The following CAMK2D variants were observed in gnomAD, a reference collection of about 807,000 sequenced individuals.
CAMK2D encodes calcium/calmodulin-dependent protein kinase type II subunit delta.
Under a neutral mutation model 84.0 loss-of-function variants are expected in CAMK2D, and 37 were observed. The ratio of observed to expected loss-of-function variants is 0.44; its 90% CI spans 0.34 to 0.58. The LOEUF is 0.58. CAMK2D is among the 20% of genes least tolerant of loss of function. The pLI is 0.02. For synonymous variants in CAMK2D, 202 were observed against 212.5 expected (o/e 0.95, Z 0.43); for missense variants, 448 against 652.5 (o/e 0.69, Z 3.41).
chr4:113,608,230 T>C (rs1332038833), intron 4 of CAMK2D, among the ~76,000 whole-genome samples: 1 of 152,210 alleles, frequency 6.6e-6, no homozygotes, highest in Non-Finnish European at 1.5e-5. Flanking sequence ...GGTTTCTTAA[T>C]GATATCATTG....
At chr4:113,520,345 T>C (rs1465478619) in intron 8 of CAMK2D, among the ~76,000 whole-genome samples, 1 of 151,808 alleles carries the variant, frequency 6.6e-6, no homozygotes, top group Non-Finnish European at 1.5e-5. Flanking sequence ...GAGGTGGAGG[T>C]TGCAGTGAGC....
intron 4 of CAMK2D, among the ~76,000 whole-genome samples, chr4:113,561,702 A>T (rs1035032989): frequency 6.6e-6 from 1 of 152,186 alleles, no homozygotes; most frequent in African/African-American, 2.4e-5. Flanking sequence ...ATGCTTTCTG[A>T]AGGGATGTCT....
intron 17 of CAMK2D, among the ~76,000 whole-genome samples, chr4:113,462,698 C>G (rs1297442331): frequency 1.3e-5 from 2 of 151,972 alleles, no homozygotes; most frequent in Non-Finnish European, 2.9e-5. Context: ...TACAATTGCT[C>G]CCTATATAAC....
At chr4:113,669,554 AACT>A (rs1249049180) in intron 2 of CAMK2D, among the ~76,000 whole-genome samples, 1 of 151,684 alleles carries the variant, frequency 6.6e-6, no homozygotes, top group East Asian at 2.0e-4. Context: ...ATGGGCAGGA[AACT>A]CTGATTATAC....
chr4:113,474,606 A>G (rs746140484), intron 16 of CAMK2D, among the ~76,000 whole-genome samples: 1 of 149,504 alleles, frequency 6.7e-6, no homozygotes, highest in Non-Finnish European at 1.5e-5. Context: ...ATTAGTCAAA[A>G]CGGAGCATAT....
chr4:113,465,682 T>C, intron 16 of CAMK2D, 78 bp from the exon 17 acceptor site: 1 of 889,832 alleles, frequency 1.1e-6, no homozygotes, highest in South Asian at 1.4e-5. Flanking sequence ...TTTTAATTTT[T>C]GAGATAGGGT....
In CAMK2D at chr4:113,551,118, C is replaced by G. The variant is rs562719449; in HGVS notation, c.341+913G>C. On this transcript the variant is annotated intron_variant, in intron 5 of 20. Coordinates refer to ENST00000511664, the MANE Select transcript of CAMK2D (RefSeq NM_001321571.2). ...TCTCATTTACATTGCTAATAATGAG[C>G]CAATCACTCTTGATCAGATTTTTAA... Among the ~76,000 whole-genome samples, 3 of 152,126 alleles carry G rather than the reference C, an allele frequency of 2.0e-5. No individual in the cohort carries two copies. In the East Asian group the frequency reaches 5.8e-4, roughly 29 times the overall value.
chr4:113,677,383 G>A (rs1295781934), intron 2 of CAMK2D: 3 of 154,540 alleles, frequency 1.9e-5, no homozygotes, highest in Non-Finnish European at 4.3e-5. Flanking sequence ...CTAAGACAGT[G>A]TATGATCTAC....
intron 16 of CAMK2D, among the ~76,000 whole-genome samples, chr4:113,487,569 A>C (rs1328370642): frequency 6.6e-6 from 1 of 152,092 alleles, no homozygotes; most frequent in African/African-American, 2.4e-5. Context: ...TTAGATATTA[A>C]AGAAATTTTG....
chr4:113,659,337 G>A (rs975871321), intron 3 of CAMK2D, among the ~76,000 whole-genome samples: 11 of 152,322 alleles, frequency 7.2e-5, no homozygotes, highest in South Asian at 4.1e-4. Context: ...GGTTCATTGC[G>A]TAATTTCTCT....
At chr4:113,571,054 T>C (rs897811380) in intron 4 of CAMK2D, among the ~76,000 whole-genome samples, 7 of 152,288 alleles carry the variant, frequency 4.6e-5, no homozygotes, top group African/African-American at 1.7e-4. Context: ...ATGTTCAACA[T>C]AACTAATCAT....
chr4:113,490,217 C>T (rs2097817616), intron 16 of CAMK2D, among the ~76,000 whole-genome samples: 5 of 148,012 alleles, frequency 3.4e-5, no homozygotes, highest in Admixed American at 2.7e-4. Context: ...AGTCCTTGCC[C>T]ATGCTTATGT....
At chr4:113,471,689 C>T (rs903550297) in intron 16 of CAMK2D, among the ~76,000 whole-genome samples, 3 of 152,116 alleles carry the variant, frequency 2.0e-5, no homozygotes, top group South Asian at 2.1e-4. Context: ...TTCAGGCTCT[C>T]GGAAGTTCCT....
intron 3 of CAMK2D, among the ~76,000 whole-genome samples, chr4:113,610,333 C>CTTT (rs897316273): frequency 1.3e-5 from 2 of 152,160 alleles, no homozygotes; most frequent in African/African-American, 4.8e-5. Context: ...GACACAACTG[C>CTTT]TTTTACAAAA....
intron 2 of CAMK2D, chr4:113,754,739 T>C: frequency 1.0e-6 from 1 of 981,566 alleles, no homozygotes; most frequent in South Asian, 4.7e-5. Flanking sequence ...AATGCTTTCA[T>C]TCAATGAAAG....
intron 13 of CAMK2D, among the ~76,000 whole-genome samples, chr4:113,506,073 G>T (rs1222372867): frequency 6.6e-6 from 1 of 151,908 alleles, no homozygotes. Context: ...ATACCTCCAT[G>T]ATTTTAATAT....
chr4:113,489,680 T>C (rs1250606957), intron 16 of CAMK2D, among the ~76,000 whole-genome samples: 2 of 149,728 alleles, frequency 1.3e-5, no homozygotes, highest in Non-Finnish European at 3.0e-5. Flanking sequence ...CTGGGTCAAA[T>C]GGTATTTCCA....
Position 113,552,113 on chromosome 4 carries a change from C to A in CAMK2D, c.276-17G>T. The A allele has an allele frequency of 6.8e-7, 1 of 1,462,370 alleles. No homozygotes were observed. Among genetic ancestry groups the A allele is most frequent in the South Asian group, 1.2e-5 (1 of 84,002 alleles). The allele number at this position is 1,462,370 out of a possible 1,614,324, so 90.6% of individuals were successfully genotyped here. A position where few individuals can be genotyped will look rare whatever the true frequency, so the allele number is the denominator to read the frequency against. ...CCAGTAACTCTGGGAAGATAAAAAA[C>A]ATAATCACTTTTAAAAAGAAGCAAA... is the stretch of plus-strand genomic sequence containing the variant. On this transcript the variant is annotated splice_polypyrimidine_tract_variant and intron_variant, in intron 4 of 20. Transcript: ENST00000511664.
intron 2 of CAMK2D, among the ~76,000 whole-genome samples, chr4:113,714,940 T>C (rs914270633): frequency 1.3e-5 from 2 of 152,142 alleles, no homozygotes; most frequent in African/African-American, 4.8e-5. Context: ...ATTTTGCAAC[T>C]AAAATTTTAT....
Sources: allele counts gnomAD v4.1 joint callset (sites outside exome capture counted in the v4.1 genomes callset), GRCh38; gene constraint gnomAD v4.1.1; transcripts MANE v1.5; gene names NCBI Gene and HGNC (gene_info 2026-07-23, HGNC 2026-07-21).